RIMS2: variants seen among roughly 807,000 people sequenced by gnomAD.
The protein encoded by RIMS2 is regulating synaptic membrane exocytosis protein 2.
Under a neutral mutation model 174.4 loss-of-function variants are expected in RIMS2, and 59 were observed. That is an observed-to-expected ratio of 0.34 (90% confidence interval 0.27 to 0.42). The LOEUF (loss-of-function observed/expected upper bound fraction) is 0.42. RIMS2 is among the 10% of genes least tolerant of loss of function. The pLI is 1.00. For synonymous variants in RIMS2, 606 were observed against 572.5 expected, an observed-to-expected ratio of 1.06 and a Z score of -0.84; for missense variants, 1,620 against 1,666.3, an observed-to-expected ratio of 0.97 and a Z score of 0.48.
chr8:103,766,354 A>G (rs368930516), exon 3 of RIMS2: 1 of 1,613,758 alleles, frequency 6.2e-7, no homozygotes, highest in African/African-American at 1.3e-5. Context: ...GGGCTAAGAA[A>G]TGAGGAGGCA....
At chr8:103,679,381 C>A (rs182886221) in intron 1 of RIMS2, among the ~76,000 whole-genome samples, 1 of 152,082 alleles carries the variant, frequency 6.6e-6, no homozygotes, top group East Asian at 1.9e-4. Flanking sequence ...AGAAATTTAA[C>A]ATCAATCAAG....
intron 2 of RIMS2, among the ~76,000 whole-genome samples, chr8:103,756,965 ATGTGTGTGTGTGTC>A (rs1355428973): frequency 1.8e-5 from 2 of 109,804 alleles, no homozygotes; most frequent in African/African-American, 6.3e-5. Context: ...CCTTTCTCGT[ATGTGTGTGTGTGTC>A]TGTGTGTGTG....
intron 1 of RIMS2, among the ~76,000 whole-genome samples, chr8:103,615,267 C>G (rs765436704): frequency 1.3e-5 from 2 of 152,126 alleles, no homozygotes; most frequent in African/African-American, 4.8e-5. Context: ...ACAACATGCT[C>G]CTTCATGACT....
At position 103,885,822 on chromosome 8, in the gene RIMS2, G is replaced by C. The variant is rs376489252; in HGVS notation, c.1223G>C (p.Arg408Pro). The stretch of plus-strand genomic sequence containing the variant: ...CGTAGAGCTGCCATGGAAAATCAGC[G>C]ATCTTATTCAATGGAAAGAACTCGA... The change falls in exon 4 of 24, where the codon CGA becomes CCA. Residue 408 changes from arginine to proline, a missense_variant. Coordinates refer to ENST00000504942, the Ensembl canonical transcript of RIMS2. 4 of 1,612,846 alleles carry C rather than the reference G, an allele frequency of 2.5e-6. No homozygotes were observed. The African/African-American group carries it at 4.0e-5, about 16-fold the overall frequency.
chr8:104,045,738 A>G (rs918173255), intron 19 of RIMS2, among the ~76,000 whole-genome samples: 1 of 151,852 alleles, frequency 6.6e-6, no homozygotes, highest in African/African-American at 2.4e-5. Flanking sequence ...TTATTATTAC[A>G]GTTGGGTCTG....
Position 103,915,606 on chromosome 8 carries a change from C to A in RIMS2, c.1912+12C>A. The A allele has an allele frequency of 7.3e-7, 1 of 1,376,586 alleles. No homozygotes were observed. The highest frequency in any genetic ancestry group is 1.0e-6 in the Non-Finnish European group (1 of 975,186). 85.3% of individuals were successfully genotyped at this position (1,376,586 alleles called of 1,614,324 possible). A position where few individuals can be genotyped will look rare whatever the true frequency, so the allele number is the denominator to read the frequency against. On this transcript the variant is annotated intron_variant, in intron 7 of 23. Transcript: ENST00000504942. ...ACATCTTAGACCAGGTAGGGTTTTA[C>A]CTTTGATTATTTACATTTAAACCAT...
chr8:103,734,014 C>T (rs916199830), intron 2 of RIMS2, among the ~76,000 whole-genome samples: 11 of 85,734 alleles, frequency 1.3e-4, no homozygotes, highest in South Asian at 4.6e-4. Context: ...CTAAAAGCTT[C>T]TTTTTTTTTT....
rs374474509 is a variant in RIMS2 at position 103,766,394 on chromosome 8, G to A, written c.555G>A (p.Glu185=). 31 of 1,613,892 alleles carry A rather than the reference G, an allele frequency of 1.9e-5. No individual in the cohort carries two copies. The African/African-American group carries it at 3.1e-4, about 16-fold the overall frequency. ...AGGAGAAGAAACCAAAACTACATGA[G>A]CAGACCCAGTTCCAAGGACCCTCAG... Residue 185 remains glutamate, a synonymous_variant, in exon 3 of 24, where the codon GAG becomes GAA. Transcript: ENST00000504942.
intron 3 of RIMS2, among the ~76,000 whole-genome samples, chr8:103,866,618 C>A (rs1475129168): frequency 1.3e-5 from 2 of 152,022 alleles, no homozygotes; most frequent in African/African-American, 4.8e-5. Context: ...GTCAGTAGAT[C>A]CATCATCTGT....
chr8:103,542,866 T>C (rs1361184231), intron 1 of RIMS2, among the ~76,000 whole-genome samples: 2 of 152,142 alleles, frequency 1.3e-5, no homozygotes, highest in Non-Finnish European at 1.5e-5. Flanking sequence ...AGAGAAAGAA[T>C]GTACCTCAAC....
chr8:103,733,893 G>A (rs577964122), intron 2 of RIMS2, among the ~76,000 whole-genome samples: 18 of 151,838 alleles, frequency 1.2e-4, no homozygotes, highest in African/African-American at 4.1e-4. Flanking sequence ...TTGCTCACCT[G>A]CTTTGGGTTT....
chr8:103,808,618 C>T (rs1397653914), intron 3 of RIMS2, among the ~76,000 whole-genome samples: 1 of 152,122 alleles, frequency 6.6e-6, no homozygotes, highest in Non-Finnish European at 1.5e-5. Context: ...CAACCTGCTT[C>T]TCCTTTAGCA....
At chr8:103,942,158 C>T (rs186269660) in intron 13 of RIMS2, among the ~76,000 whole-genome samples, 20 of 152,254 alleles carry the variant, frequency 1.3e-4, no homozygotes, top group African/African-American at 3.6e-4. Flanking sequence ...CTCTACCCTC[C>T]GGTAGGCCCC....
At chr8:103,813,765 G>C (rs1024224730) in intron 3 of RIMS2, among the ~76,000 whole-genome samples, 1 of 152,080 alleles carries the variant, frequency 6.6e-6, no homozygotes, top group Non-Finnish European at 1.5e-5. Flanking sequence ...GTATTCCATG[G>C]TGTATATGTG....
At chr8:103,794,237 A>G in intron 3 of RIMS2, among the ~76,000 whole-genome samples, 1 of 152,224 alleles carries the variant, frequency 6.6e-6, no homozygotes, top group East Asian at 1.9e-4. Flanking sequence ...ACACAGAGAT[A>G]TAGACCAATG....
intron 3 of RIMS2, among the ~76,000 whole-genome samples, chr8:103,816,268 T>C (rs1746550774): frequency 6.6e-6 from 1 of 152,074 alleles, no homozygotes; most frequent in Non-Finnish European, 1.5e-5. Flanking sequence ...ATAAATAAAA[T>C]AAACACTGTA....
At chr8:103,854,115 C>T (rs1396604229) in intron 3 of RIMS2, among the ~76,000 whole-genome samples, 3 of 151,968 alleles carry the variant, frequency 2.0e-5, no homozygotes, top group Non-Finnish European at 4.4e-5. Flanking sequence ...TAGCTGTGTT[C>T]CTAGATATTT....
chr8:103,587,465 A>G (rs1238808040), intron 1 of RIMS2, among the ~76,000 whole-genome samples: 6 of 89,560 alleles, frequency 6.7e-5, no homozygotes, highest in Non-Finnish European at 1.2e-4. Flanking sequence ...AGAAAGAAAG[A>G]AAGAAACTAT....
intron 3 of RIMS2, among the ~76,000 whole-genome samples, chr8:103,769,987 A>C (rs1303244224): frequency 2.0e-5 from 3 of 152,208 alleles, no homozygotes; most frequent in Non-Finnish European, 2.9e-5. Context: ...TGTAATTTAC[A>C]TACACTTTTT....
Sources: allele counts gnomAD v4.1 joint callset (sites outside exome capture counted in the v4.1 genomes callset), GRCh38; gene constraint gnomAD v4.1.1; transcripts MANE v1.5; gene names NCBI Gene and HGNC (gene_info 2026-07-23, HGNC 2026-07-21).